The following CYTH3 variants were observed in gnomAD, a reference collection of about 807,000 sequenced individuals.
CYTH3 encodes cytohesin 3.
Under a neutral mutation model 55.1 loss-of-function variants are expected in CYTH3, and 23 were observed. The observed-to-expected ratio is 0.42, with a 90% CI of 0.30 to 0.59. The LOEUF (loss-of-function observed/expected upper bound fraction) is 0.59, where lower values mean the gene tolerates loss of function less well. Among genes scored for constraint, CYTH3 ranks in the 20% least tolerant of loss-of-function variants. CYTH3 has a pLI of 0.20. For missense variants in CYTH3, 413 were observed against 524.8 expected, an observed-to-expected ratio of 0.79 and a Z score of 2.08; for synonymous variants, 249 against 194.9, an observed-to-expected ratio of 1.28 and a Z score of -2.31.
chr7:6,223,836 T>TAAAAAAAAAAAA (rs58813864), intron 1 of CYTH3, among the ~76,000 whole-genome samples: 1 of 24,314 alleles, frequency 4.1e-5, no homozygotes, highest in Non-Finnish European at 9.0e-5. Flanking sequence ...CAATAAATAC[T>TAAAAAAAAAAAA]AAAAAAAAAA....
rs1286851504 is a variant in CYTH3 at position 6,272,451 on chromosome 7, CCCA to C, written c.34+20_34+22del. 7.4e-7 allele frequency: 1 copy of C among 1,347,500 alleles called. No homozygotes were observed. The highest frequency in any genetic ancestry group is 9.6e-7 in the Non-Finnish European group (1 of 1,040,090). 83.5% of individuals were successfully genotyped at this position (1,347,500 alleles called of 1,614,324 possible). A position where few individuals can be genotyped will look rare whatever the true frequency, so the allele number is the denominator to read the frequency against. ...CCCCCGACCCCAGGCCGCCGGCGAG[CCCA>C]CCACACCTCCGACACTCACCGCCAC... is the stretch of plus-strand genomic sequence containing the variant. On this transcript the variant is annotated intron_variant, in intron 1 of 12. Transcript: ENST00000350796.
chr7:6,201,953 T>G (rs1784067180), intron 1 of CYTH3, among the ~76,000 whole-genome samples: 1 of 152,040 alleles, frequency 6.6e-6, no homozygotes, highest in Non-Finnish European at 1.5e-5. Context: ...AAATACAAAA[T>G]GCAAAATATT....
At chr7:6,187,002 C>G (rs1783672063) in intron 4 of CYTH3, 48 bp downstream of exon 4, 2 of 1,578,866 alleles carry the variant, frequency 1.3e-6, no homozygotes, top group Non-Finnish European at 1.7e-6. Flanking sequence ...CAGTTCAAAT[C>G]AATTAGTCCA....
chr7:6,171,046 G>T lies in CYTH3; in HGVS notation c.563-68C>A. On this transcript the variant is annotated intron_variant, in intron 7 of 12. Transcript: ENST00000350796. This position sits in a 1 kb window ranked among gnomAD's most constrained non-coding sequence, Gnocchi z 6.7. ...TGGACAGTGGGACCCCGCGTGCTGG[G>T]GGCCCGCCTGCAAGAGGTGCCCGGC... 2 of 1,600,878 alleles carry T rather than the reference G, an allele frequency of 1.2e-6. No homozygotes were observed. The highest frequency in any genetic ancestry group is 1.7e-6 in the Non-Finnish European group (2 of 1,172,232).
At position 6,227,947 on chromosome 7, in the gene CYTH3, T is replaced by C. The variant is rs1779296223; in HGVS notation, c.35-37416A>G. On this transcript the variant is annotated intron_variant, in intron 1 of 12. Transcript: ENST00000350796. ...ATGTTTGCCTCAGGCCTGTGTTTAA[T>C]TATGAAAATGTGGTAGGTGGGCTAG... Among the ~76,000 whole-genome samples, 11 of 152,348 alleles carry C rather than the reference T, an allele frequency of 7.2e-5. No homozygotes were observed. The South Asian group carries it at 2.3e-3, about 32-fold the overall frequency.
intron 6 of CYTH3, chr7:6,173,144 C>T (rs1023388890): frequency 4.7e-6 from 4 of 853,796 alleles, no homozygotes; most frequent in African/African-American, 1.8e-5. Flanking sequence ...AGGAAGGAAG[C>T]GAGACAACTT....
At chr7:6,204,050 A>G (rs77512150) in intron 1 of CYTH3, among the ~76,000 whole-genome samples, 1 of 138,808 alleles carries the variant, frequency 7.2e-6, no homozygotes, top group Non-Finnish European at 1.6e-5. Context: ...TTCACAATAG[A>G]AAAAAAAAAA....
chr7:6,223,127 G>A (rs1309038729), intron 1 of CYTH3, among the ~76,000 whole-genome samples: 1 of 152,106 alleles, frequency 6.6e-6, no homozygotes, highest in Non-Finnish European at 1.5e-5. Context: ...CTTCGTCTGG[G>A]AGGCGAGGAG....
intron 1 of CYTH3, among the ~76,000 whole-genome samples, chr7:6,250,910 T>C (rs1235315877): frequency 6.6e-6 from 1 of 152,242 alleles, no homozygotes; most frequent in Admixed American, 6.5e-5. Context: ...GCTCCTGTAA[T>C]ATTTCACTGG....
At chr7:6,195,452 C>G (rs564808286) in intron 1 of CYTH3, among the ~76,000 whole-genome samples, 1 of 151,902 alleles carries the variant, frequency 6.6e-6, no homozygotes, top group Non-Finnish European at 1.5e-5. Context: ...CTGTGGTTTT[C>G]TTTTTCTTTT....
chr7:6,196,437 G>T (rs964297225), intron 1 of CYTH3, among the ~76,000 whole-genome samples: 6 of 150,188 alleles, frequency 4.0e-5, no homozygotes, highest in Non-Finnish European at 5.9e-5. Flanking sequence ...ATCTGAGGGA[G>T]CATCTTTTTT....
intron 9 of CYTH3, 129 bp from the exon 10 acceptor site, chr7:6,165,939 G>C: frequency 1.1e-6 from 1 of 895,144 alleles, no homozygotes; most frequent in Non-Finnish European, 1.7e-6. Flanking sequence ...CTTGGGTTCA[G>C]GTGTCCTTCA....
At chr7:6,241,279 C>A (rs151029623) in intron 1 of CYTH3, among the ~76,000 whole-genome samples, 4 of 152,292 alleles carry the variant, frequency 2.6e-5, no homozygotes, top group African/African-American at 9.6e-5. Context: ...CCCTACTATG[C>A]AAAGACCTTC....
chr7:6,221,096 C>T (rs1422880197), intron 1 of CYTH3, among the ~76,000 whole-genome samples: 1 of 152,106 alleles, frequency 6.6e-6, no homozygotes, highest in Non-Finnish European at 1.5e-5. Flanking sequence ...ACACAAAAAC[C>T]TGAACATGAA....
chr7:6,265,618 CAAAAAAA>C (rs111748997), intron 1 of CYTH3, among the ~76,000 whole-genome samples: 20 of 109,884 alleles, frequency 1.8e-4, no homozygotes, highest in Non-Finnish European at 2.2e-4. Context: ...GACTCCATTT[CAAAAAAA>C]AAAAAAAAAA....
intron 1 of CYTH3, among the ~76,000 whole-genome samples, chr7:6,220,574 C>CAAA (rs1191450197): frequency 8.1e-5 from 5 of 62,040 alleles, no homozygotes; most frequent in Non-Finnish European, 6.7e-5. Context: ...CATCCTGTCT[C>CAAA]AAAAAAAAAA....
At chr7:6,233,590 A>AG (rs969092822) in intron 1 of CYTH3, among the ~76,000 whole-genome samples, 2 of 147,172 alleles carry the variant, frequency 1.4e-5, no homozygotes, top group Non-Finnish European at 3.0e-5. Context: ...CAGGAGGCAG[A>AG]GGTTGCAGTG....
intron 1 of CYTH3, among the ~76,000 whole-genome samples, chr7:6,261,689 CAAAAAAAAAAAA>C (rs71549614): frequency 6.3e-5 from 3 of 47,490 alleles, no homozygotes; most frequent in Admixed American, 2.6e-4. Context: ...GACCCTGTCT[CAAAAAAAAAAAA>C]AAAAAAAAAA....
At chr7:6,172,983 C>T (rs1196068244) in intron 6 of CYTH3, 45 of 1,103,980 alleles carry the variant, frequency 4.1e-5, no homozygotes, top group East Asian at 8.6e-5. Context: ...GAGAAGATGA[C>T]GAGGTGCGGC....
Sources: gnomAD v4.1 joint callset for allele counts (sites outside exome capture counted in the v4.1 genomes callset) on GRCh38, gnomAD v4.1.1 for gene constraint, Gnocchi (gnomAD v3.1) non-coding constraint, MANE v1.5 for transcripts, NCBI Gene and HGNC (gene_info 2026-07-23, HGNC 2026-07-21) for gene names.